Variants in TYW1B observed in about 807,000 individuals in gnomAD.
TYW1B encodes S-adenosyl-L-methionine-dependent tRNA 4-demethylwyosine synthase TYW1B.
Under a neutral mutation model 86.9 loss-of-function variants are expected in TYW1B, and 73 were observed. The ratio of observed to expected loss-of-function variants is 0.84; its 90% CI spans 0.70 to 1.02. The LOEUF (loss-of-function observed/expected upper bound fraction) is 1.02. Among genes scored for constraint, TYW1B ranks in the 50% least tolerant of loss-of-function variants. TYW1B has a pLI of 0.00. For missense variants in TYW1B, 637 were observed against 827.4 expected (o/e 0.77, Z 2.82); for synonymous variants, 248 against 292.8 (o/e 0.85, Z 1.56).
At chr7:72,768,470 C>T (rs1377732455) in intron 7 of TYW1B, among the ~76,000 whole-genome samples, 1 of 152,038 alleles carries the variant, frequency 6.6e-6, no homozygotes, top group East Asian at 1.9e-4. Flanking sequence ...GTCATTTTCA[C>T]CTAAAGAAAA....
chr7:72,638,079 G>A (rs1554441009), intron 11 of TYW1B, among the ~76,000 whole-genome samples: 1 of 150,440 alleles, frequency 6.6e-6, no homozygotes, highest in African/African-American at 2.4e-5. Context: ...TAAAACTTTT[G>A]TAATGGGGGA....
intron 2 of TYW1B, among the ~76,000 whole-genome samples, chr7:72,817,770 TTTTTATTAAGCTAGA>T (rs1554479717): frequency 6.6e-6 from 1 of 152,086 alleles, no homozygotes; most frequent in East Asian, 1.9e-4. Flanking sequence ...GTTCCTTGGG[TTTTTATTAAGCTAGA>T]AGAATTTGGT....
rs371352397 is a variant in TYW1B at position 72,629,023 on chromosome 7, G to A, written c.1507-26C>T. On this transcript the variant is annotated intron_variant, in intron 11 of 13. Coordinates refer to ENST00000620995, the MANE Select transcript of TYW1B (RefSeq NM_001145440.3). ...CTAAAACAAAGGAAAAGCCAACTTC[G>A]TTGTTATCTTGGTGGATGTCACCTC... 70 of 1,572,880 alleles carry A rather than the reference G, an allele frequency of 4.5e-5. No homozygotes were observed. The African/African-American group carries it at 7.9e-4, about 18-fold the overall frequency.
chr7:72,729,697 A>C (rs1163562188), intron 8 of TYW1B, among the ~76,000 whole-genome samples: 1 of 151,824 alleles, frequency 6.6e-6, no homozygotes, highest in Non-Finnish European at 1.5e-5. Flanking sequence ...CCCAGTGTCC[A>C]CCACTGCCAA....
At chr7:72,606,609 C>A (rs1478135823) in intron 13 of TYW1B, among the ~76,000 whole-genome samples, 1 of 57,944 alleles carries the variant, frequency 1.7e-5, no homozygotes, top group Non-Finnish European at 4.6e-5. Flanking sequence ...GCAATAAGGC[C>A]CCCCCCCCGC....
At chr7:72,711,328 T>C (rs1443993879) in intron 10 of TYW1B, among the ~76,000 whole-genome samples, 1 of 152,134 alleles carries the variant, frequency 6.6e-6, no homozygotes, top group African/African-American at 2.4e-5. Flanking sequence ...AGGCTTCTGA[T>C]AAACTCTCCC....
chr7:72,775,693 A>C (rs1165088137), intron 7 of TYW1B, among the ~76,000 whole-genome samples: 1 of 152,110 alleles, frequency 6.6e-6, no homozygotes, highest in African/African-American at 2.4e-5. Flanking sequence ...GAGATCTTCA[A>C]AAAGTCCTTG....
intron 8 of TYW1B, among the ~76,000 whole-genome samples, chr7:72,733,544 C>T (rs1277976531): frequency 6.6e-6 from 1 of 152,082 alleles, no homozygotes; most frequent in South Asian, 2.1e-4. Flanking sequence ...ACCTGTAATC[C>T]CAGCTACTCA....
At chr7:72,632,456 TATATACATATATATATAA>T (rs1554440095) in intron 11 of TYW1B, among the ~76,000 whole-genome samples, 9 of 97,036 alleles carry the variant, frequency 9.3e-5, no homozygotes, top group African/African-American at 4.3e-4. Context: ...ATAAAATATA[TATATACATATATATATAA>T]AATATATATA....
At chr7:72,671,229 G>C (rs184337270) in intron 11 of TYW1B, among the ~76,000 whole-genome samples, 1 of 152,090 alleles carries the variant, frequency 6.6e-6, no homozygotes, top group Non-Finnish European at 1.5e-5. Flanking sequence ...CTTCTTAGGG[G>C]TGGCTTCTGA....
At chr7:72,638,421 C>A (rs192423866) in intron 11 of TYW1B, among the ~76,000 whole-genome samples, 13 of 152,286 alleles carry the variant, frequency 8.5e-5, no homozygotes, top group East Asian at 7.7e-4. Context: ...AGGAAAATCA[C>A]GTGATTATAT....
Position 72,828,148 on chromosome 7 carries a change from C to A in TYW1B, c.-73G>T, listed in dbSNP as rs182817093. On this transcript the variant is annotated 5_prime_UTR_variant, in exon 1 of 14. Coordinates refer to ENST00000620995, the MANE Select transcript of TYW1B (RefSeq NM_001145440.3). ...AAAGGTTCGCACTGGTACTGCGAGA[C>A]GCACCGAGCTACCTCGCGGCGTTAG... is the stretch of plus-strand genomic sequence containing the variant. The A allele has an allele frequency of 6.2e-7, 1 of 1,604,848 alleles. No individual in the cohort carries two copies. Among genetic ancestry groups the A allele is most frequent in the East Asian group, 2.2e-5 (1 of 44,572 alleles).
chr7:72,577,955 C>T (rs1413095833), intron 13 of TYW1B, among the ~76,000 whole-genome samples: 2 of 152,170 alleles, frequency 1.3e-5, no homozygotes, highest in Non-Finnish European at 2.9e-5. Flanking sequence ...TTTCTGGCCA[C>T]AGGACCTCAC....
intron 7 of TYW1B, 81 bp downstream of exon 7, chr7:72,777,335 T>G (rs1787973439): frequency 2.0e-6 from 3 of 1,519,744 alleles, no homozygotes; most frequent in Middle Eastern, 1.7e-4. Flanking sequence ...CTGAGCTAAT[T>G]AGAGAGAGAC....
At chr7:72,631,715 A>C (rs1812496812) in intron 11 of TYW1B, among the ~76,000 whole-genome samples, 1 of 152,184 alleles carries the variant, frequency 6.6e-6, no homozygotes, top group African/African-American at 2.4e-5. Context: ...TCAACTAAAA[A>C]TGAGATTAGG....
chr7:72,710,865 A>G (rs1183385955), intron 10 of TYW1B, among the ~76,000 whole-genome samples: 12 of 152,190 alleles, frequency 7.9e-5, no homozygotes, highest in Non-Finnish European at 1.6e-4. Flanking sequence ...TATGTGATCA[A>G]TCTTTCTAGA....
At chr7:72,610,684 C>A (rs1392356205) in intron 13 of TYW1B, among the ~76,000 whole-genome samples, 1 of 152,188 alleles carries the variant, frequency 6.6e-6, no homozygotes, top group Non-Finnish European at 1.5e-5. Flanking sequence ...ACTCTGTTGT[C>A]CAGGCTGAGC....
At chr7:72,647,084 G>C (rs1812947030) in intron 11 of TYW1B, among the ~76,000 whole-genome samples, 1 of 152,104 alleles carries the variant, frequency 6.6e-6, no homozygotes, top group African/African-American at 2.4e-5. Flanking sequence ...AAGATAAAAT[G>C]GTCTCCTAAA....
In TYW1B at chr7:72,828,151, A is replaced by T; in HGVS notation, c.-76T>A. 6.2e-7 allele frequency: 1 copy of T among 1,602,598 alleles called. No individual in the cohort carries two copies. The highest frequency in any genetic ancestry group is 1.3e-5 in the African/African-American group (1 of 74,902). Reference sequence around the variant, plus strand: ...GGTTCGCACTGGTACTGCGAGACGCACCGAGCTACCTCGCGGCGTTAGCGC... The same window carrying T: ...GGTTCGCACTGGTACTGCGAGACGCTCCGAGCTACCTCGCGGCGTTAGCGC... On this transcript the variant is annotated 5_prime_UTR_variant, in exon 1 of 14. Transcript: ENST00000620995.
Sources: allele counts gnomAD v4.1 joint callset (sites outside exome capture counted in the v4.1 genomes callset), GRCh38; gene constraint gnomAD v4.1.1; transcripts MANE v1.5; gene names NCBI Gene and HGNC (gene_info 2026-07-23, HGNC 2026-07-21).